WASF3: variants seen among roughly 807,000 people sequenced by gnomAD.
WASF3 encodes WASP family member 3.
A neutral mutation model predicts 46.6 loss-of-function variants in WASF3; 11 were observed. That is an observed-to-expected ratio of 0.24 (90% confidence interval 0.15 to 0.39). WASF3 has a LOEUF of 0.39. Among genes scored for constraint, WASF3 ranks in the 10% least tolerant of loss-of-function variants. The pLI, the probability that WASF3 is intolerant of heterozygous loss-of-function variation, is 1.00. For synonymous variants in WASF3, 242 were observed against 259.7 expected (o/e 0.93, Z 0.65); for missense variants, 576 against 669.8 (o/e 0.86, Z 1.55).
chr13:26,611,924 G>A (rs1326916310), intron 1 of WASF3, among the ~76,000 whole-genome samples: 1 of 151,860 alleles, frequency 6.6e-6, no homozygotes, highest in Non-Finnish European at 1.5e-5. Flanking sequence ...AATTCATGGG[G>A]GTCCAGATAA....
chr13:26,649,465 T>C (rs974589736), intron 3 of WASF3, among the ~76,000 whole-genome samples: 1 of 152,198 alleles, frequency 6.6e-6, no homozygotes, highest in African/African-American at 2.4e-5. Flanking sequence ...CACTCCTGTC[T>C]ACACAATAAG....
At chr13:26,577,471 C>T in intron 1 of WASF3, 2 of 934,716 alleles carry the variant, frequency 2.1e-6, no homozygotes, top group South Asian at 1.3e-5. Context: ...TTGGAAAAGA[C>T]ATAGAAAAGA....
chr13:26,559,920 C>G (rs182031297), intron 1 of WASF3, among the ~76,000 whole-genome samples: 1 of 144,766 alleles, frequency 6.9e-6, no homozygotes, highest in Admixed American at 7.2e-5. Context: ...TGGGTTCAAG[C>G]GATTCTCCTG....
At chr13:26,549,108 G>C in the WASF3 span, among the ~76,000 whole-genome samples, 1 of 151,382 alleles carries the variant, frequency 6.6e-6, no homozygotes, top group South Asian at 2.1e-4. Flanking sequence ...CAGCCTCCCA[G>C]GTAGCTGGGA....
intron 1 of WASF3, among the ~76,000 whole-genome samples, chr13:26,588,736 A>T (rs1880203916): frequency 6.6e-6 from 1 of 152,086 alleles, no homozygotes; most frequent in Non-Finnish European, 1.5e-5. Flanking sequence ...TCATATGTTT[A>T]ATCTTTGCTC....
chr13:26,590,793 C>T (rs1248888925), intron 1 of WASF3, among the ~76,000 whole-genome samples: 3 of 152,034 alleles, frequency 2.0e-5, no homozygotes, highest in Non-Finnish European at 2.9e-5. Context: ...TGAACAAAAC[C>T]TCAAAAAAAT....
chr13:26,602,976 A>G (rs1880685499), intron 1 of WASF3, among the ~76,000 whole-genome samples: 1 of 152,148 alleles, frequency 6.6e-6, no homozygotes, highest in African/African-American at 2.4e-5. Flanking sequence ...TATCCAACAG[A>G]TTGCTGACTG....
chr13:26,590,674 A>G (rs1440625218), intron 1 of WASF3, among the ~76,000 whole-genome samples: 1 of 152,194 alleles, frequency 6.6e-6, no homozygotes, highest in Non-Finnish European at 1.5e-5. Context: ...GCGTTCTTCT[A>G]TGTAAAATGT....
chr13:26,588,618 A>G (rs1880199598), intron 1 of WASF3, among the ~76,000 whole-genome samples: 1 of 152,078 alleles, frequency 6.6e-6, no homozygotes, highest in Non-Finnish European at 1.5e-5. Context: ...TTCTAATTTG[A>G]TCTTGTCGAA....
At chr13:26,581,847 T>C (rs537308543) in intron 1 of WASF3, among the ~76,000 whole-genome samples, 1 of 152,352 alleles carries the variant, frequency 6.6e-6, no homozygotes, top group East Asian at 1.9e-4. Flanking sequence ...TCTTCAGCCT[T>C]TGCTTTGGCA....
At position 26,569,651 on chromosome 13, in the gene WASF3, A is replaced by G. The variant is rs116912513; in HGVS notation, c.-109+11832A>G. Among the ~76,000 whole-genome samples the G allele has an allele frequency of 9.3e-3, 1,424 of 152,322 alleles. 56 individuals are homozygous for G. Among genetic ancestry groups the G allele is most frequent in the East Asian group, 0.091 (469 of 5,182 alleles). ...ACTCAATGATGTGAACATCAATTTT[A>G]AGAAGTTAGAAAGGAACAGCATACT... On this transcript the variant is annotated intron_variant, in intron 1 of 9. Coordinates refer to ENST00000335327, the MANE Select transcript of WASF3 (RefSeq NM_006646.6).
chr13:26,685,568 C>G, intron 9 of WASF3, 120 bp from the exon 10 acceptor site: 1 of 1,250,166 alleles, frequency 8.0e-7, no homozygotes, highest in Non-Finnish European at 1.1e-6. Flanking sequence ...CCTCAAATTT[C>G]TAAAACTTTC....
intron 1 of WASF3, among the ~76,000 whole-genome samples, chr13:26,558,484 C>G (rs1593363615): frequency 9.2e-6 from 1 of 108,632 alleles, no homozygotes; most frequent in Admixed American, 8.8e-5. Context: ...CGCACGGAGC[C>G]GCGGCGCGCG....
At chr13:26,646,740 G>C (rs1882161555) in intron 3 of WASF3, among the ~76,000 whole-genome samples, 1 of 110,168 alleles carries the variant, frequency 9.1e-6, no homozygotes, top group Admixed American at 8.8e-5. Flanking sequence ...TGAGCAGCAG[G>C]AACTTGCCCT....
chr13:26,636,516 C>T (rs1433009961), intron 2 of WASF3, among the ~76,000 whole-genome samples: 2 of 152,242 alleles, frequency 1.3e-5, no homozygotes, highest in Non-Finnish European at 2.9e-5. Context: ...ATGGGCTGCA[C>T]CCACTGTCCA....
chr13:26,547,535 C>T, the WASF3 span, among the ~76,000 whole-genome samples: 3 of 152,084 alleles, frequency 2.0e-5, no homozygotes, highest in Non-Finnish European at 4.4e-5. Context: ...TCAACTCTGT[C>T]TAGAGTTGGC....
intron 1 of WASF3, among the ~76,000 whole-genome samples, chr13:26,597,637 C>T (rs368604548): frequency 1.3e-5 from 2 of 152,164 alleles, no homozygotes; most frequent in African/African-American, 4.8e-5. Flanking sequence ...CAGAACAGGC[C>T]CCGGTGTGTG....
chr13:26,580,108 A>G (rs1879933540), intron 1 of WASF3, among the ~76,000 whole-genome samples: 1 of 152,214 alleles, frequency 6.6e-6, no homozygotes, highest in Non-Finnish European at 1.5e-5. Context: ...AGTGTGGCCC[A>G]GGGAAGCCAA....
chr13:26,541,636 G>A, the WASF3 span, among the ~76,000 whole-genome samples: 6 of 122,436 alleles, frequency 4.9e-5, no homozygotes, highest in African/African-American at 1.4e-4. Context: ...TCTATATCCC[G>A]GAAGCCCACT....
Sources: allele counts gnomAD v4.1 joint callset (sites outside exome capture counted in the v4.1 genomes callset), GRCh38; gene constraint gnomAD v4.1.1; transcripts MANE v1.5; gene names NCBI Gene and HGNC (gene_info 2026-07-23, HGNC 2026-07-21).